Variants in IGF2BP2 observed in about 807,000 individuals in gnomAD.
IGF2BP2 encodes insulin like growth factor 2 mRNA binding protein 2.
IGF2BP2 carries 17 observed loss-of-function variants against 75.8 expected under a neutral mutation model. The observed-to-expected ratio is 0.22, with a 90% CI of 0.15 to 0.34. The LOEUF (loss-of-function observed/expected upper bound fraction) is 0.34. Among genes scored for constraint, IGF2BP2 ranks in the 10% least tolerant of loss-of-function variants. The pLI, the probability that IGF2BP2 is intolerant of heterozygous loss-of-function variation, is 1.00. For missense variants in IGF2BP2, 516 were observed against 772.4 expected, an observed-to-expected ratio of 0.67 and a Z score of 3.93; for synonymous variants, 288 against 295.6, an observed-to-expected ratio of 0.97 and a Z score of 0.26.
chr3:185,650,088 CTTTTT>C (rs542843120), intron 13 of IGF2BP2, among the ~76,000 whole-genome samples: 3 of 125,982 alleles, frequency 2.4e-5, no homozygotes, highest in African/African-American at 8.5e-5. Context: ...TGTTTTCATT[CTTTTT>C]TTTTTTTTTT....
At chr3:185,676,054 TC>T in intron 7 of IGF2BP2, 141 bp from the exon 8 acceptor site, 1 of 1,023,976 alleles carries the variant, frequency 9.8e-7, no homozygotes, top group Non-Finnish European at 1.4e-6. Context: ...AGAGGTCAGG[TC>T]CCTCACCGAC....
At chr3:185,738,862 G>A (rs1413282257) in intron 2 of IGF2BP2, among the ~76,000 whole-genome samples, 1 of 152,110 alleles carries the variant, frequency 6.6e-6, no homozygotes, top group South Asian at 2.1e-4. Flanking sequence ...GCTTGAAGAG[G>A]ACCTTTAATC....
intron 13 of IGF2BP2, among the ~76,000 whole-genome samples, chr3:185,650,910 C>T (rs1026424649): frequency 6.6e-5 from 10 of 152,112 alleles, no homozygotes; most frequent in East Asian, 3.9e-4. Flanking sequence ...TCACTTCACA[C>T]GTGGCCTTTA....
intron 2 of IGF2BP2, among the ~76,000 whole-genome samples, chr3:185,785,110 G>T (rs1047918493): frequency 3.9e-5 from 6 of 152,044 alleles, no homozygotes; most frequent in Admixed American, 1.3e-4. Context: ...AGACCAGCCT[G>T]TCCAACATGG....
rs371688158 is a variant in IGF2BP2, at chr3:185,789,076, A to C, written c.239+34077T>G. 2.5e-4 allele frequency among the ~76,000 whole-genome samples: 38 copies of C among 152,034 alleles called. No individual in the cohort carries two copies. The South Asian group carries it at 7.9e-3, about 32-fold the overall frequency. Reference sequence around the variant, plus strand: ...CTAGGCTGGAGTGAAGTGTCTATTCACAGGCCACTGCGAATATTCGATCCT... The same window carrying C: ...CTAGGCTGGAGTGAAGTGTCTATTCCCAGGCCACTGCGAATATTCGATCCT... On this transcript the variant is annotated intron_variant, in intron 2 of 15. Coordinates refer to ENST00000382199, the MANE Select transcript of IGF2BP2 (RefSeq NM_006548.6).
chr3:185,772,818 G>C (rs1734065642), intron 2 of IGF2BP2, among the ~76,000 whole-genome samples: 1 of 152,108 alleles, frequency 6.6e-6, no homozygotes, highest in South Asian at 2.1e-4. Context: ...CTGACCTCAG[G>C]TGATCCACCC....
chr3:185,726,529 C>T (rs1727352669), intron 2 of IGF2BP2, among the ~76,000 whole-genome samples: 1 of 152,198 alleles, frequency 6.6e-6, no homozygotes, highest in South Asian at 2.1e-4. Flanking sequence ...AAAGATAAAA[C>T]ACAAATTAGA....
intron 2 of IGF2BP2, among the ~76,000 whole-genome samples, chr3:185,746,849 G>C (rs571030098): frequency 3.7e-4 from 57 of 152,196 alleles, no homozygotes; most frequent in Non-Finnish European, 5.0e-4. Context: ...ACCAGAAAAA[G>C]ATCTCTTTGC....
chr3:185,762,625 A>G (rs1732533110), intron 2 of IGF2BP2, among the ~76,000 whole-genome samples: 1 of 152,060 alleles, frequency 6.6e-6, no homozygotes, highest in South Asian at 2.1e-4. Context: ...GTATTTGAAT[A>G]CAGGTCAAAT....
chr3:185,823,534 T>A (rs1415168800), intron 1 of IGF2BP2, among the ~76,000 whole-genome samples: 2 of 152,142 alleles, frequency 1.3e-5, no homozygotes, highest in African/African-American at 4.8e-5. Context: ...GCTGCAGGGC[T>A]GGCGCGGCCC....
At chr3:185,723,466 T>C (rs770068183) in intron 2 of IGF2BP2, among the ~76,000 whole-genome samples, 14 of 152,118 alleles carry the variant, frequency 9.2e-5, no homozygotes, top group African/African-American at 1.2e-4. Flanking sequence ...ACAACAGTAT[T>C]TAGGATGAGA....
intron 12 of IGF2BP2, among the ~76,000 whole-genome samples, chr3:185,655,217 C>T (rs777596726): frequency 1.6e-4 from 25 of 152,284 alleles, no homozygotes; most frequent in Non-Finnish European, 7.3e-5. Flanking sequence ...CTGCAACCTC[C>T]GCCTCCCAGG....
chr3:185,761,538 G>C (rs1732369786), intron 2 of IGF2BP2, among the ~76,000 whole-genome samples: 2 of 152,152 alleles, frequency 1.3e-5, no homozygotes, highest in African/African-American at 4.8e-5. Context: ...ACATTTTACT[G>C]GGGGTACTGG....
chr3:185,759,235 T>A (rs1324609843), intron 2 of IGF2BP2, among the ~76,000 whole-genome samples: 1 of 152,170 alleles, frequency 6.6e-6, no homozygotes, highest in Non-Finnish European at 1.5e-5. Context: ...CCAGTTTCCA[T>A]CTCTCCTGAG....
At chr3:185,661,267 C>G (rs1395784775) in intron 10 of IGF2BP2, among the ~76,000 whole-genome samples, 1 of 152,116 alleles carries the variant, frequency 6.6e-6, no homozygotes, top group Non-Finnish European at 1.5e-5. Context: ...TCTTTCTGAG[C>G]CTTATCCACA....
At chr3:185,710,345 A>T (rs1724627109) in intron 2 of IGF2BP2, among the ~76,000 whole-genome samples, 2 of 152,146 alleles carry the variant, frequency 1.3e-5, no homozygotes, top group Non-Finnish European at 2.9e-5. Flanking sequence ...CCATTGCCCC[A>T]GAAGGGTGTC....
In IGF2BP2 at chr3:185,675,349, C is replaced by CT. The variant is rs1560270960; in HGVS notation, c.1017dup (p.Glu340ArgfsTer8). 1 of 1,612,598 alleles carries CT rather than the reference C, an allele frequency of 6.2e-7. No individual in the cohort carries two copies. The highest frequency in any genetic ancestry group is 8.5e-7 in the Non-Finnish European group (1 of 1,179,758). On this transcript the variant is annotated frameshift_variant, in exon 9 of 16. Coordinates refer to ENST00000382199, the MANE Select transcript of IGF2BP2 (RefSeq NM_006548.6). Reference sequence around the variant, plus strand: ...GCCTCACGCAGCTTCTTCATAATCTCTATCTCAGCACTGGCACAGGCCTCA... The same window carrying CT: ...GCCTCACGCAGCTTCTTCATAATCTCTTATCTCAGCACTGGCACAGGCCTCA...
intron 2 of IGF2BP2, among the ~76,000 whole-genome samples, chr3:185,770,417 G>C (rs1326844108): frequency 2.0e-5 from 3 of 152,114 alleles, no homozygotes; most frequent in Non-Finnish European, 2.9e-5. Flanking sequence ...AAGAGTAGTG[G>C]GTTATATTTA....
At chr3:185,748,901 T>C (rs558430184) in intron 2 of IGF2BP2, among the ~76,000 whole-genome samples, 1 of 152,376 alleles carries the variant, frequency 6.6e-6, no homozygotes, top group East Asian at 1.9e-4. Flanking sequence ...CAGTGGCTCA[T>C]GCCTGTAATT....
Sources: gnomAD v4.1 joint callset for allele counts (sites outside exome capture counted in the v4.1 genomes callset) on GRCh38, gnomAD v4.1.1 for gene constraint, MANE v1.5 for transcripts, NCBI Gene and HGNC (gene_info 2026-07-23, HGNC 2026-07-21) for gene names.